INTS1: variants seen among roughly 807,000 people sequenced by gnomAD.
INTS1 encodes the protein integrator complex subunit 1.
In INTS1, 137 loss-of-function variants were observed where a neutral mutation model predicts 241.6. That is an observed-to-expected ratio of 0.57 (90% CI 0.49 to 0.65). The LOEUF is 0.65. Ranked by LOEUF, INTS1 falls within the 30% of genes least tolerant of loss-of-function variation. The probability of loss-of-function intolerance (pLI) is 0.00; values close to 1 mark genes in which losing one functional copy is unlikely to be tolerated. For synonymous variants in INTS1, 1,692 were observed against 1,337.8 expected (o/e 1.26, Z -5.78); for missense variants, 3,073 against 3,032.2 (o/e 1.01, Z -0.32).
intron 2 of INTS1, 65 bp from the exon 3 acceptor site, chr7:1,503,256 C>T: frequency 2.1e-6 from 3 of 1,459,032 alleles, no homozygotes; most frequent in Non-Finnish European, 2.8e-6. Flanking sequence ...AAGACTGACT[C>T]TAACCTCCTG....
chr7:1,476,532 AC>A, intron 37 of INTS1, 37 bp downstream of exon 37: 7 of 1,610,654 alleles, frequency 4.3e-6, no homozygotes, highest in Non-Finnish European at 5.9e-6. Flanking sequence ...CGGATGGGCC[AC>A]CCCCTCTCCC....
chr7:1,481,563 G>T lies in INTS1; in HGVS notation c.3704-75C>A. ...ACTCGGGACCCCACCCGAGACCTGG[G>T]GCTGCCTGTGTGCAGTGACCCCACC... On this transcript the variant is annotated intron_variant, in intron 27 of 47. Coordinates refer to ENST00000404767, the MANE Select transcript of INTS1 (RefSeq NM_001080453.3). The surrounding 1 kb of genome is among the most constrained non-coding windows in gnomAD (Gnocchi z 6.8). The T allele has an allele frequency of 6.7e-7, 1 of 1,487,470 alleles. No homozygotes were observed. Among genetic ancestry groups the T allele is most frequent in the Non-Finnish European group, 9.0e-7 (1 of 1,113,844 alleles). The allele number at this position is 1,487,470 out of a possible 1,614,324, so 92.1% of individuals were successfully genotyped here. A position where few individuals can be genotyped will look rare whatever the true frequency, so the allele number is the denominator to read the frequency against.
At chr7:1,471,028 C>CT in intron 46 of INTS1, 73 bp from the exon 47 acceptor site, 1 of 1,512,796 alleles carries the variant, frequency 6.6e-7, no homozygotes, top group Non-Finnish European at 9.0e-7. Context: ...ACAGGGCGAG[C>CT]TGAGCCGCCT....
chr7:1,476,224 A>T lies in INTS1; in HGVS notation c.5378+5T>A, dbSNP rs1781709891. On this transcript the variant is annotated splice_donor_5th_base_variant and intron_variant, in intron 38 of 47. Coordinates refer to ENST00000404767, the MANE Select transcript of INTS1 (RefSeq NM_001080453.3). ...GCAGCATCTGGGGCCGGGGGGCCTG[A>T]GCACCTGTCTCCCCACTGCTGGATG... 2.6e-6 allele frequency: 4 copies of T among 1,548,816 alleles called. No homozygotes were observed. The highest frequency in any genetic ancestry group is 3.5e-6 in the Non-Finnish European group (4 of 1,147,802).
At chr7:1,474,483 G>T in intron 40 of INTS1, 123 bp from the exon 41 acceptor site, 2 of 1,168,642 alleles carry the variant, frequency 1.7e-6, no homozygotes, top group Non-Finnish European at 2.3e-6. Flanking sequence ...CCACCCTCCT[G>T]CCCTAAGGAG....
Position 1,477,733 on chromosome 7 carries a change from T to C in INTS1, c.4814+20A>G, listed in dbSNP as rs1232191359. 1.2e-6 allele frequency: 2 copies of C among 1,610,352 alleles called. No individual in the cohort carries two copies. Among genetic ancestry groups the C allele is most frequent in the African/African-American group, 2.7e-5 (2 of 74,900 alleles). ...GCCACCCGCCTGCCCACCCTGGCCG[T>C]GTGCAGCACCCCAGCTCACCTGCCA... On this transcript the variant is annotated intron_variant, in intron 34 of 47. Transcript: ENST00000404767.
rs1311139577 is a variant in INTS1 at position 1,487,017 on chromosome 7, A to G, written c.2731T>C (p.Cys911Arg). 1 of 1,603,454 alleles carries G rather than the reference A, an allele frequency of 6.2e-7. No individual in the cohort carries two copies. Among genetic ancestry groups the G allele is most frequent in the Non-Finnish European group, 8.5e-7 (1 of 1,177,534 alleles). ...ACAGCATCGTGCAGCAGGAACTCGCACAGACACTGCACGGGCAGCACGTCC... is the reference window on the plus strand; with the variant it reads ...ACAGCATCGTGCAGCAGGAACTCGCGCAGACACTGCACGGGCAGCACGTCC... The part of the protein sequence containing the change: ...SLDVLPVQCL[C>R]EFLLHDAVDD... The change falls in exon 21 of 48, where the codon TGC (cysteine) becomes CGC (arginine). Residue 911 changes from cysteine to arginine, a missense_variant. Coordinates refer to ENST00000404767, the MANE Select transcript of INTS1 (RefSeq NM_001080453.3).
chr7:1,472,266 G>C lies in INTS1; in HGVS notation c.6184+7C>G, dbSNP rs764507332. 5.2e-6 allele frequency: 8 copies of C among 1,546,974 alleles called. No homozygotes were observed. The highest frequency in any genetic ancestry group is 2.4e-5 in the East Asian group (1 of 41,034). ...ACCTGGCGTGGGTGAAGCAGGGCCT[G>C]ACTCACCCTCCACCGTTTGGCCCCG... On this transcript the variant is annotated splice_region_variant and intron_variant, in intron 44 of 47. Coordinates refer to ENST00000404767, the MANE Select transcript of INTS1 (RefSeq NM_001080453.3).
intron 39 of INTS1, among the ~76,000 whole-genome samples, chr7:1,475,736 G>T (rs1000152558): frequency 2.6e-5 from 4 of 152,224 alleles, no homozygotes; most frequent in African/African-American, 9.6e-5. Flanking sequence ...ACAACACCAC[G>T]ACTCTCCAGA....
At chr7:1,472,094 G>T (rs564366682) in intron 44 of INTS1, 179 bp downstream of exon 44, 3 of 603,410 alleles carry the variant, frequency 5.0e-6, no homozygotes, top group South Asian at 3.9e-5. Flanking sequence ...CTGGGCCCCT[G>T]AGTTTCTAAG....
intron 44 of INTS1, 37 bp downstream of exon 44, chr7:1,472,236 C>T (rs1216250083): frequency 2.7e-6 from 4 of 1,462,410 alleles, no homozygotes; most frequent in Middle Eastern, 1.8e-4. Flanking sequence ...GGACCCAGGG[C>T]GCTGACCTGG....
In INTS1 at chr7:1,482,440, C is replaced by T. The variant is rs1782040320; in HGVS notation, c.3703+106G>A. On this transcript the variant is annotated intron_variant, in intron 27 of 47. Transcript: ENST00000404767. The stretch of plus-strand genomic sequence containing the variant: ...GATCCCCTGAGGCTACCCGGCCAGT[C>T]TTCTCCTCTGCCACAGCCGGAGGCT... 5 of 1,171,350 alleles carry T rather than the reference C, an allele frequency of 4.3e-6. No homozygotes were observed. In the South Asian group the frequency reaches 7.7e-5, roughly 18 times the overall value. The allele number at this position is 1,171,350 out of a possible 1,614,324, so 72.6% of individuals were successfully genotyped here.
Position 1,493,860 on chromosome 7 carries a change from C to T in INTS1, c.1962G>A (p.Met654Ile). 5.1e-6 allele frequency: 8 copies of T among 1,566,990 alleles called. No individual in the cohort carries two copies. Among genetic ancestry groups the T allele is most frequent in the Non-Finnish European group, 6.9e-6 (8 of 1,156,712 alleles). Residue 654 changes from methionine to isoleucine, a missense_variant, in exon 15 of 48, where the codon ATG becomes ATA. Met to Ile is a conservative substitution (Grantham distance 10). Transcript: ENST00000404767. The surrounding 1 kb of genome is among the most constrained non-coding windows in gnomAD (Gnocchi z 5.3). The part of the protein sequence containing the change: ...SEVPILEDTL[M>I]RILVIGLSRE... ...GGGACAGCCCGATGACCAGGATGCG[C>T]ATCAGCGTGTCCTCCAAAATGGGCA...
At chr7:1,471,720 G>T in intron 44 of INTS1, 79 bp from the exon 45 acceptor site, 2 of 1,390,512 alleles carry the variant, frequency 1.4e-6, no homozygotes, top group South Asian at 1.2e-5. Flanking sequence ...CACCCAGAGG[G>T]GGCAAGGCCC....
chr7:1,479,640 G>A lies in INTS1; in HGVS notation c.4119C>T (p.Pro1373=), dbSNP rs751660325. The change falls in exon 31 of 48, where the codon CCC becomes CCT. Residue 1373 remains proline (P), a synonymous_variant. Transcript: ENST00000404767. ...GCTGCAGGGCGAGGGCCACGGGGCGGGGACTGGAGCTCTGCCACCGAGGGT... is the reference window on the plus strand; with the variant it reads ...GCTGCAGGGCGAGGGCCACGGGGCGAGGACTGGAGCTCTGCCACCGAGGGT... ...SPDPRWQSSS[P]RPVALALQQA... is the part of the protein sequence containing the mutation. 6.6e-7 allele frequency: 1 copy of A among 1,509,312 alleles called. No individual in the cohort carries two copies. Among genetic ancestry groups the A allele is most frequent in the Non-Finnish European group, 8.9e-7 (1 of 1,125,610 alleles). 93.5% of individuals were successfully genotyped at this position (1,509,312 alleles called of 1,614,324 possible). A position where few individuals can be genotyped will look rare whatever the true frequency, so the allele number is the denominator to read the frequency against.
Position 1,499,029 on chromosome 7 carries a change from C to T in INTS1, c.1083G>A (p.Lys361=), listed in dbSNP as rs1314758642. 6.4e-7 allele frequency: 1 copy of T among 1,574,314 alleles called. No individual in the cohort carries two copies. Among genetic ancestry groups the T allele is most frequent in the Non-Finnish European group, 8.6e-7 (1 of 1,161,232 alleles). The change falls in exon 8 of 48, where the codon AAG becomes AAA. Residue 361 remains lysine, a synonymous_variant. Coordinates refer to ENST00000404767, the MANE Select transcript of INTS1 (RefSeq NM_001080453.3). Reference sequence around the variant, plus strand: ...TCTGCACCGCCAGCAGCCGCACCTCCTTATAGCCGCAGGTGGAGGTGAGGA... The same window carrying T: ...TCTGCACCGCCAGCAGCCGCACCTCTTTATAGCCGCAGGTGGAGGTGAGGA... ...LRLLTSTCGY[K]EVRLLAVQKL...
Position 1,476,312 on chromosome 7 carries a change from C to G in INTS1, c.5295G>C (p.Leu1765=). Reference sequence around the variant, plus strand: ...CATCGTCCCCACAGCAGCAGCTGAGCAGCAGGGGCAGCCGGGCCTGGATGA... The same window carrying G: ...CATCGTCCCCACAGCAGCAGCTGAGGAGCAGGGGCAGCCGGGCCTGGATGA... ...CSLIQARLPL[L]LSCCCGDDES... is the part of the protein sequence containing the mutation. Residue 1765 remains leucine, a synonymous_variant, in exon 38 of 48, where the codon CTG becomes CTC. Transcript: ENST00000404767. The G allele has an allele frequency of 6.3e-7, 1 of 1,587,968 alleles. No individual in the cohort carries two copies. Among genetic ancestry groups the G allele is most frequent in the South Asian group, 1.1e-5 (1 of 86,980 alleles).
At chr7:1,503,834 C>A in intron 2 of INTS1, 69 bp downstream of exon 2, 1 of 1,223,148 alleles carries the variant, frequency 8.2e-7, no homozygotes. Context: ...TCCGCGGCAG[C>A]TGAGATCCCC....
At chr7:1,486,581 T>C in intron 22 of INTS1, 44 bp downstream of exon 22, 1 of 1,582,214 alleles carries the variant, frequency 6.3e-7, no homozygotes, top group South Asian at 1.1e-5. Context: ...CTACTCATTT[T>C]AAACATGAAG....
Sources: gnomAD v4.1 joint callset for allele counts (sites outside exome capture counted in the v4.1 genomes callset) on GRCh38, gnomAD v4.1.1 for gene constraint, Gnocchi (gnomAD v3.1) non-coding constraint, MANE v1.5 for transcripts, NCBI Gene and HGNC (gene_info 2026-07-23, HGNC 2026-07-21) for gene names.